POLR1B: variants seen among roughly 807,000 people sequenced by gnomAD.
POLR1B encodes DNA-directed RNA polymerase I subunit RPA2.
POLR1B carries 30 observed loss-of-function variants against 105.8 expected under a neutral mutation model. The observed-to-expected ratio is 0.28, with a 90% CI of 0.21 to 0.38. The LOEUF (loss-of-function observed/expected upper bound fraction) is 0.38, where lower values mean the gene tolerates loss of function less well. POLR1B is among the 10% of genes least tolerant of loss of function. The pLI is 1.00. For missense variants in POLR1B, 976 were observed against 1,435.8 expected (o/e 0.68, Z 5.17); for synonymous variants, 485 against 505.1 (o/e 0.96, Z 0.53).
intron 6 of POLR1B, among the ~76,000 whole-genome samples, chr2:112,552,318 G>A (rs1302382161): frequency 1.3e-5 from 2 of 152,014 alleles, no homozygotes; most frequent in African/African-American, 4.8e-5. Context: ...TTTACTTTCT[G>A]TGTACACAGA....
At chr2:112,574,696 TG>T in intron 14 of POLR1B, 150 bp from the exon 15 acceptor site, 1 of 738,056 alleles carries the variant, frequency 1.4e-6, no homozygotes, top group Non-Finnish European at 2.1e-6. Flanking sequence ...CACTCCAGCC[TG>T]GGCAACAGAG....
intron 14 of POLR1B, 40 bp from the exon 15 acceptor site, chr2:112,574,807 A>G (rs1028935647): frequency 2.0e-6 from 3 of 1,527,940 alleles, no homozygotes; most frequent in Non-Finnish European, 2.7e-6. Flanking sequence ...CCATAAGTTA[A>G]AACAAATAGG....
rs1684835650 is a variant in POLR1B, at chr2:112,575,805, T to C, written c.*76T>C. On this transcript the variant is annotated 3_prime_UTR_variant, in exon 15 of 15. Coordinates refer to ENST00000263331, the MANE Select transcript of POLR1B (RefSeq NM_019014.6). This position sits in a 1 kb window ranked among gnomAD's most constrained non-coding sequence, Gnocchi z 5.3. ...TAATTTTAATTCAATGAAGATATCA[T>C]TACCAGGTTACTCTTGAGATTTTTC... The C allele has an allele frequency of 7.6e-6, 11 of 1,450,368 alleles. No individual in the cohort carries two copies. In the South Asian group the frequency reaches 1.5e-4, roughly 19 times the overall value. The allele number at this position is 1,450,368 out of a possible 1,614,324, so 89.8% of individuals were successfully genotyped here. A position where few individuals can be genotyped will look rare whatever the true frequency, so the allele number is the denominator to read the frequency against.
chr2:112,557,250 T>C (rs560198389), intron 7 of POLR1B, among the ~76,000 whole-genome samples: 5 of 152,180 alleles, frequency 3.3e-5, no homozygotes, highest in East Asian at 1.9e-4. Context: ...ACAACAAATA[T>C]AGTTAACTGT....
intron 10 of POLR1B, 32 bp downstream of exon 10, chr2:112,564,531 C>T: frequency 6.2e-7 from 1 of 1,613,734 alleles, no homozygotes; most frequent in South Asian, 1.1e-5. Context: ...TTGTCCTATC[C>T]CTTGACCTTA....
Position 112,579,680 on chromosome 2 carries a change from C to G in POLR1B, c.*3951C>G, listed in dbSNP as rs576537953. On this transcript the variant is annotated 3_prime_UTR_variant, in exon 15 of 15. Transcript: ENST00000263331. ...TCTAATGGCTGAAAATGTTGAACAT[C>G]TCTTCATGTGTTTATTTGCCATCTG... 1 of 152,182 alleles carries G rather than the reference C, an allele frequency of 6.6e-6. No homozygotes were observed. Among genetic ancestry groups the G allele is most frequent in the Non-Finnish European group, 1.5e-5 (1 of 68,038 alleles). 9.4% of individuals were successfully genotyped at this position (152,182 alleles called of 1,614,324 possible).
intron 7 of POLR1B, 150 bp downstream of exon 7, chr2:112,552,966 G>T: frequency 1.5e-6 from 1 of 678,462 alleles, no homozygotes; most frequent in African/African-American, 1.9e-5. Flanking sequence ...AGCAGTAAGG[G>T]GATCAGAAAT....
At chr2:112,564,605 CA>C in intron 10 of POLR1B, 106 bp downstream of exon 10, 1 of 1,438,056 alleles carries the variant, frequency 7.0e-7, no homozygotes, top group Non-Finnish European at 9.6e-7. Context: ...ATCAAGTGGT[CA>C]GGGGGTCACA....
chr2:112,562,377 A>G (rs1210030568), intron 9 of POLR1B, among the ~76,000 whole-genome samples: 1 of 152,082 alleles, frequency 6.6e-6, no homozygotes, highest in African/African-American at 2.4e-5. Context: ...TCCCCTTGCT[A>G]CTTCTTTCCT....
intron 3 of POLR1B, 132 bp downstream of exon 3, chr2:112,547,699 T>C (rs1683130762): frequency 2.1e-6 from 2 of 967,720 alleles, no homozygotes. Flanking sequence ...GTATCTTGCC[T>C]GCATACAGTG....
At chr2:112,550,763 G>T in intron 4 of POLR1B, 103 bp from the exon 5 acceptor site, 1 of 1,198,888 alleles carries the variant, frequency 8.3e-7, no homozygotes, top group Non-Finnish European at 1.2e-6. Flanking sequence ...TTAGTGATTT[G>T]GCTTTAATTG....
intron 9 of POLR1B, 105 bp from the exon 10 acceptor site, chr2:112,564,261 T>C: frequency 2.2e-6 from 3 of 1,337,244 alleles, no homozygotes; most frequent in Non-Finnish European, 3.1e-6. Flanking sequence ...ACAAGGATAA[T>C]TTGATATCTG....
At chr2:112,543,813 A>T (rs1223516857) in intron 1 of POLR1B, among the ~76,000 whole-genome samples, 1 of 152,138 alleles carries the variant, frequency 6.6e-6, no homozygotes, top group Non-Finnish European at 1.5e-5. Context: ...GGCTGGGTGC[A>T]GTGGCTCACA....
chr2:112,557,466 C>A (rs1476295936), intron 7 of POLR1B, among the ~76,000 whole-genome samples: 1 of 152,182 alleles, frequency 6.6e-6, no homozygotes, highest in Non-Finnish European at 1.5e-5. Flanking sequence ...CTTTCTGCAC[C>A]TGAAAAGCCC....
intron 13 of POLR1B, 26 bp downstream of exon 13, chr2:112,572,784 C>A (rs1474663984): frequency 1.3e-6 from 2 of 1,515,252 alleles, no homozygotes. Context: ...AAATGTTGTT[C>A]CAATCTTTTT....
chr2:112,569,698 T>C lies in POLR1B; in HGVS notation c.2074+796T>C, dbSNP rs535683813. 5.9e-5 allele frequency among the ~76,000 whole-genome samples: 9 copies of C among 152,050 alleles called. No homozygotes were observed. The South Asian group carries it at 1.9e-3, about 32-fold the overall frequency. The stretch of plus-strand genomic sequence containing the variant: ...CTTCAGCCTTCCAAGTAGCTGGGTC[T>C]ACAGGGACTCACCACCACACCCAGC... On this transcript the variant is annotated intron_variant, in intron 12 of 14. Coordinates refer to ENST00000263331, the MANE Select transcript of POLR1B (RefSeq NM_019014.6).
intron 9 of POLR1B, among the ~76,000 whole-genome samples, chr2:112,564,072 A>G (rs1684152886): frequency 7.1e-6 from 1 of 139,870 alleles, no homozygotes; most frequent in South Asian, 2.2e-4. Flanking sequence ...AGAGATCACT[A>G]ATCACAGATC....
chr2:112,572,191 A>T (rs1280791995), intron 12 of POLR1B, among the ~76,000 whole-genome samples: 1 of 152,214 alleles, frequency 6.6e-6, no homozygotes, highest in Admixed American at 6.5e-5. Context: ...TTCCCCGAGT[A>T]GTGATAGCCT....
chr2:112,556,844 A>G (rs1184623836), intron 7 of POLR1B, among the ~76,000 whole-genome samples: 1 of 152,232 alleles, frequency 6.6e-6, no homozygotes, highest in Non-Finnish European at 1.5e-5. Context: ...ATAACTGTAC[A>G]TATTTATCGG....
Sources: allele counts gnomAD v4.1 joint callset (sites outside exome capture counted in the v4.1 genomes callset), GRCh38; gene constraint gnomAD v4.1.1; non-coding constraint Gnocchi (gnomAD v3.1); transcripts MANE v1.5; gene names NCBI Gene and HGNC (gene_info 2026-07-23, HGNC 2026-07-21).